Variants in RBFOX1 observed in about 807,000 individuals in gnomAD.
The protein encoded by RBFOX1 is RNA binding fox-1 homolog 1, also known as RNA binding protein fox-1 homolog 1.
A neutral mutation model predicts 57.7 loss-of-function variants in RBFOX1; 8 were observed. The observed-to-expected ratio is 0.14, with a 90% confidence interval of 0.08 to 0.25. RBFOX1 has a LOEUF of 0.25. Among genes scored for constraint, RBFOX1 ranks in the 10% least tolerant of loss-of-function variants. The pLI, the probability that RBFOX1 is intolerant of heterozygous loss-of-function variation, is 1.00. For missense variants in RBFOX1, 611 were observed against 548.5 expected, an observed-to-expected ratio of 1.11 and a Z score of -1.14; for synonymous variants, 326 against 222.4, an observed-to-expected ratio of 1.47 and a Z score of -4.15.
chr16:6,237,353 C>T (rs917293811), intron 1 of RBFOX1, among the ~76,000 whole-genome samples: 1 of 152,148 alleles, frequency 6.6e-6, no homozygotes, highest in Non-Finnish European at 1.5e-5. Flanking sequence ...AAGTTTCATC[C>T]TTATATGGCC....
intron 3 of RBFOX1, among the ~76,000 whole-genome samples, chr16:6,931,678 C>G (rs971556923): frequency 1.3e-5 from 2 of 152,218 alleles, no homozygotes; most frequent in African/African-American, 4.8e-5. Context: ...GAAAGGCTCA[C>G]AGACTCAAAG....
chr16:6,772,323 TCAAA>T (rs1172114352), intron 3 of RBFOX1, among the ~76,000 whole-genome samples: 2 of 152,296 alleles, frequency 1.3e-5, no homozygotes, highest in Non-Finnish European at 2.9e-5. Flanking sequence ...TCGATTGTGC[TCAAA>T]CAGTGAGCTA....
chr16:6,764,337 A>G (rs1603617281), intron 3 of RBFOX1, among the ~76,000 whole-genome samples: 1 of 152,210 alleles, frequency 6.6e-6, no homozygotes, highest in African/African-American at 2.4e-5. Context: ...CCACCCTTTT[A>G]AAGGGAAAAC....
intron 9 of RBFOX1, among the ~76,000 whole-genome samples, chr16:7,604,141 A>G (rs1212956651): frequency 6.6e-6 from 1 of 152,154 alleles, no homozygotes; most frequent in Admixed American, 6.5e-5. Context: ...ATTTTGAGCA[A>G]CCAAGTAGAT....
intron 3 of RBFOX1, among the ~76,000 whole-genome samples, chr16:6,849,473 G>A (rs1005047323): frequency 6.6e-6 from 1 of 152,144 alleles, no homozygotes; most frequent in Non-Finnish European, 1.5e-5. Context: ...TTCGAGACCA[G>A]CCTCGCCAAT....
chr16:7,123,169 T>C (rs2067597142), intron 4 of RBFOX1, among the ~76,000 whole-genome samples: 1 of 152,158 alleles, frequency 6.6e-6, no homozygotes, highest in Non-Finnish European at 1.5e-5. Context: ...TATGAAATTG[T>C]ACATCCAAAC....
At chr16:6,482,753 A>G (rs2095391883) in intron 2 of RBFOX1, among the ~76,000 whole-genome samples, 1 of 152,040 alleles carries the variant, frequency 6.6e-6, no homozygotes, top group Admixed American at 6.6e-5. Context: ...GGGAGGCGAG[A>G]TTGGGGGCGC....
chr16:5,331,839 C>A (rs1276535831), intron 1 of RBFOX1, among the ~76,000 whole-genome samples: 3 of 152,230 alleles, frequency 2.0e-5, no homozygotes, highest in Non-Finnish European at 4.4e-5. Flanking sequence ...GGCTGGTGAC[C>A]ATGCCCACCC....
chr16:7,606,627 C>A (rs1391686095), intron 9 of RBFOX1, among the ~76,000 whole-genome samples: 4 of 152,290 alleles, frequency 2.6e-5, no homozygotes, highest in Non-Finnish European at 1.5e-5. Flanking sequence ...AAAAAACTCT[C>A]CATCCAGAAC....
At chr16:7,326,948 G>T (rs942034088) in intron 4 of RBFOX1, among the ~76,000 whole-genome samples, 2 of 152,088 alleles carry the variant, frequency 1.3e-5, no homozygotes, top group African/African-American at 4.8e-5. Flanking sequence ...TTTGCTAGTG[G>T]ACATTTTAGT....
intron 3 of RBFOX1, among the ~76,000 whole-genome samples, chr16:7,037,268 T>C (rs2044778022): frequency 6.8e-6 from 1 of 147,720 alleles, no homozygotes. Context: ...AGATGGAGTT[T>C]TGCTCTTGTT....
intron 2 of RBFOX1, among the ~76,000 whole-genome samples, chr16:6,564,650 G>A (rs1218064069): frequency 6.6e-6 from 1 of 152,026 alleles, no homozygotes; most frequent in Admixed American, 6.6e-5. Flanking sequence ...GGGGGTGGGG[G>A]AAATGGAGAG....
At chr16:7,181,365 C>G (rs1339868635) in intron 4 of RBFOX1, among the ~76,000 whole-genome samples, 1 of 152,136 alleles carries the variant, frequency 6.6e-6, no homozygotes, top group Admixed American at 6.5e-5. Flanking sequence ...CTACTTTTCC[C>G]TACCTTGTAA....
At chr16:6,316,071 A>G (rs1007210243) in intron 1 of RBFOX1, among the ~76,000 whole-genome samples, 2 of 152,168 alleles carry the variant, frequency 1.3e-5, no homozygotes, top group African/African-American at 4.8e-5. Flanking sequence ...CTGCTGCTTT[A>G]TAAGAGTAAT....
At chr16:7,466,887 A>G (rs983168989) in intron 4 of RBFOX1, among the ~76,000 whole-genome samples, 1 of 152,196 alleles carries the variant, frequency 6.6e-6, no homozygotes, top group African/African-American at 2.4e-5. Context: ...TAGAATGACC[A>G]GGAATGGTCT....
chr16:6,483,211 G>A, intron 2 of RBFOX1: 3 of 1,208,696 alleles, frequency 2.5e-6, no homozygotes, highest in Non-Finnish European at 3.1e-6. Context: ...AGGCCGGCCG[G>A]GGAAGCCGGA....
intron 3 of RBFOX1, among the ~76,000 whole-genome samples, chr16:6,859,789 G>A (rs1275824006): frequency 6.6e-6 from 1 of 151,746 alleles, no homozygotes. Context: ...GGCTCCAAAA[G>A]GCATTGATAC....
intron 1 of RBFOX1, among the ~76,000 whole-genome samples, chr16:6,061,910 A>C (rs548435977): frequency 6.6e-6 from 1 of 152,088 alleles, no homozygotes; most frequent in Non-Finnish European, 1.5e-5. Context: ...TGCCGCCAAG[A>C]CTGCCCCCAC....
intron 4 of RBFOX1, among the ~76,000 whole-genome samples, chr16:7,376,587 C>T (rs2097689897): frequency 6.6e-6 from 1 of 152,112 alleles, no homozygotes; most frequent in African/African-American, 2.4e-5. Flanking sequence ...CAGCTAACTA[C>T]CAGGGGATGT....
Sources: allele counts gnomAD v4.1 joint callset (sites outside exome capture counted in the v4.1 genomes callset), GRCh38; gene constraint gnomAD v4.1.1; transcripts MANE v1.5; gene names NCBI Gene and HGNC (gene_info 2026-07-23, HGNC 2026-07-21).